The following ELAPOR1 variants were observed in gnomAD, a reference collection of about 807,000 sequenced individuals.
ELAPOR1 encodes endosome-lysosome associated apoptosis and autophagy regulator 1.
ELAPOR1 carries 77 observed loss-of-function variants against 119.7 expected under a neutral mutation model. The ratio of observed to expected loss-of-function variants is 0.64; its 90% CI spans 0.54 to 0.78. The LOEUF is 0.78. Ranked by LOEUF, ELAPOR1 falls within the 30% of genes least tolerant of loss-of-function variation. The pLI is 0.00. For synonymous variants in ELAPOR1, 481 were observed against 487.2 expected (o/e 0.99, Z 0.17); for missense variants, 1,115 against 1,270.4 (o/e 0.88, Z 1.86).
chr1:109,126,807 C>T (rs1648811224), intron 1 of ELAPOR1, among the ~76,000 whole-genome samples: 1 of 152,176 alleles, frequency 6.6e-6, no homozygotes, highest in Non-Finnish European at 1.5e-5. Context: ...TTAGCCCTCT[C>T]CATCTGTGGT....
In ELAPOR1 at chr1:109,200,242, A is replaced by C. The variant is rs376037387; in HGVS notation, c.2807+5A>C. ...CTTTTGGAAAAAGAATCAAAAGTACATGTTGCGGTATTGGAGTGTGGGGAT... is the reference window on the plus strand; with the variant it reads ...CTTTTGGAAAAAGAATCAAAAGTACCTGTTGCGGTATTGGAGTGTGGGGAT... On this transcript the variant is annotated splice_donor_5th_base_variant and intron_variant, in intron 20 of 21. Transcript: ENST00000369939. The C allele has an allele frequency of 1.2e-4, 192 of 1,613,672 alleles. 1 individual carries two copies. In the African/African-American group the frequency reaches 2.4e-3, roughly 20 times the overall value.
intron 15 of ELAPOR1, 122 bp downstream of exon 15, chr1:109,194,716 AGG>A: frequency 1.3e-6 from 1 of 796,906 alleles, no homozygotes. Flanking sequence ...GGAGCTTCAA[AGG>A]TTTTTACATA....
intron 1 of ELAPOR1, among the ~76,000 whole-genome samples, chr1:109,148,963 C>T (rs898311639): frequency 1.4e-4 from 21 of 152,100 alleles, no homozygotes; most frequent in Non-Finnish European, 1.3e-4. Flanking sequence ...TATTTACAAC[C>T]AGTACTGAAA....
chr1:109,129,382 C>T (rs541249360), intron 1 of ELAPOR1, among the ~76,000 whole-genome samples: 6 of 152,176 alleles, frequency 3.9e-5, no homozygotes, highest in East Asian at 1.9e-4. Flanking sequence ...TGGTGGCACA[C>T]GCCTGTAATC....
At chr1:109,143,347 C>G (rs1649953593) in intron 1 of ELAPOR1, among the ~76,000 whole-genome samples, 1 of 152,052 alleles carries the variant, frequency 6.6e-6, no homozygotes, top group African/African-American at 2.4e-5. Flanking sequence ...GTAAAAGAAG[C>G]CAGACATAAA....
chr1:109,185,304 C>T (rs1463323329), intron 8 of ELAPOR1, among the ~76,000 whole-genome samples, 171 bp downstream of exon 8: 1 of 152,046 alleles, frequency 6.6e-6, no homozygotes, highest in Non-Finnish European at 1.5e-5. Flanking sequence ...AACGAGACCT[C>T]TTCATTCATT....
intron 15 of ELAPOR1, among the ~76,000 whole-genome samples, chr1:109,196,081 AG>A (rs1044357163): frequency 1.1e-4 from 17 of 152,046 alleles, no homozygotes; most frequent in African/African-American, 4.1e-4. Context: ...ACTTGAACCC[AG>A]GGGGCGGAGA....
Position 109,155,480 on chromosome 1 carries a change from G to C in ELAPOR1, c.154-6414G>C, listed in dbSNP as rs375619297. Among the ~76,000 whole-genome samples the C allele has an allele frequency of 1.6e-4, 24 of 152,170 alleles. No individual in the cohort carries two copies. In the East Asian group the frequency reaches 2.5e-3, roughly 16 times the overall value. Reference sequence around the variant, plus strand: ...GGCGTGAGCCACCAAGCCCGGCCGTGAACATCATTTTCTTAGAATGTAGAA... The same window carrying C: ...GGCGTGAGCCACCAAGCCCGGCCGTCAACATCATTTTCTTAGAATGTAGAA... On this transcript the variant is annotated intron_variant, in intron 1 of 21. Coordinates refer to ENST00000369939, the MANE Select transcript of ELAPOR1 (RefSeq NM_020775.5).
intron 7 of ELAPOR1, among the ~76,000 whole-genome samples, chr1:109,183,441 C>G (rs913904415): frequency 6.6e-6 from 1 of 151,924 alleles, no homozygotes; most frequent in Non-Finnish European, 1.5e-5. Context: ...AGAAGTAGTT[C>G]TCACTATCCA....
chr1:109,175,826 CAAAAAAAAAAAAAA>C (rs55824923), intron 7 of ELAPOR1, among the ~76,000 whole-genome samples: 1 of 88,434 alleles, frequency 1.1e-5, no homozygotes, highest in African/African-American at 4.6e-5. Context: ...GACTCAGTCT[CAAAAAAAAAAAAAA>C]AAAAAAAAAA....
chr1:109,139,522 G>A (rs1649695274), intron 1 of ELAPOR1, among the ~76,000 whole-genome samples: 1 of 152,010 alleles, frequency 6.6e-6, no homozygotes, highest in African/African-American at 2.4e-5. Flanking sequence ...GGCCAGTGTG[G>A]TAGTCACAAC....
chr1:109,122,156 G>A (rs1404598546), intron 1 of ELAPOR1, among the ~76,000 whole-genome samples: 1 of 150,606 alleles, frequency 6.6e-6, no homozygotes, highest in African/African-American at 2.4e-5. Context: ...TGCAGCCTGT[G>A]CCTGTCGGGT....
intron 18 of ELAPOR1, 66 bp downstream of exon 18, chr1:109,198,740 C>T (rs566093101): frequency 3.2e-5 from 44 of 1,390,350 alleles, no homozygotes; most frequent in Non-Finnish European, 4.2e-5. Context: ...TCCTGAGATC[C>T]AGAGATTACT....
At position 109,189,051 on chromosome 1, in the gene ELAPOR1, T is replaced by A. The variant is rs192598340; in HGVS notation, c.1220-15T>A. 1.9e-6 allele frequency: 3 copies of A among 1,612,616 alleles called. No homozygotes were observed. In the Admixed American group the frequency reaches 5.0e-5, roughly 27 times the overall value. ...CTTCCCACTGAATGCATGGATCTTG[T>A]TTGTGGTTCCCCAGACTGTACCCGC... is the stretch of plus-strand genomic sequence containing the variant. On this transcript the variant is annotated splice_polypyrimidine_tract_variant and intron_variant, in intron 9 of 21. Coordinates refer to ENST00000369939, the MANE Select transcript of ELAPOR1 (RefSeq NM_020775.5).
chr1:109,177,269 TGCC>T (rs1652377723), intron 7 of ELAPOR1, among the ~76,000 whole-genome samples: 1 of 132,736 alleles, frequency 7.5e-6, no homozygotes, highest in South Asian at 2.4e-4. Flanking sequence ...ACGGGGCGGC[TGCC>T]GGGCAGAGAC....
intron 3 of ELAPOR1, among the ~76,000 whole-genome samples, chr1:109,169,193 A>G: frequency 6.6e-6 from 1 of 152,162 alleles, no homozygotes; most frequent in East Asian, 1.9e-4. Flanking sequence ...TATTCTGACA[A>G]ACACAGGGGG....
chr1:109,162,093 G>GC, intron 2 of ELAPOR1, 79 bp downstream of exon 2: 1 of 1,492,508 alleles, frequency 6.7e-7, no homozygotes, highest in Non-Finnish European at 9.1e-7. Flanking sequence ...TCCAATCTGG[G>GC]CCCTTCCTGG....
chr1:109,116,680 C>CTTCTGTTCTTTTTTTT (rs777051377), intron 1 of ELAPOR1, among the ~76,000 whole-genome samples: 1 of 96,868 alleles, frequency 1.0e-5, no homozygotes, highest in African/African-American at 3.8e-5. Flanking sequence ...CTTCTCTGTT[C>CTTCTGTTCTTTTTTTT]TTTTTTTTTT....
At chr1:109,188,136 A>G (rs767438430) in intron 8 of ELAPOR1, 41 bp from the exon 9 acceptor site, 7 of 1,561,852 alleles carry the variant, frequency 4.5e-6, no homozygotes, top group Non-Finnish European at 6.1e-6. Context: ...AGATGTCCTA[A>G]ATCTCACACA....
Sources: gnomAD v4.1 joint callset for allele counts (sites outside exome capture counted in the v4.1 genomes callset) on GRCh38, gnomAD v4.1.1 for gene constraint, MANE v1.5 for transcripts, NCBI Gene and HGNC (gene_info 2026-07-23, HGNC 2026-07-21) for gene names.